Variants in LRIG2 observed in about 807,000 individuals in gnomAD.
The protein encoded by LRIG2 is leucine-rich repeats and immunoglobulin-like domains protein 2.
LRIG2 carries 93 observed loss-of-function variants against 107.8 expected under a neutral mutation model. The observed-to-expected ratio is 0.86, with a 90% CI of 0.73 to 1.03. LRIG2 has a LOEUF of 1.03. Ranked by LOEUF, LRIG2 falls within the 50% of genes least tolerant of loss-of-function variation. The probability of loss-of-function intolerance (pLI) is 0.00; values close to 1 mark genes in which losing one functional copy is unlikely to be tolerated. For synonymous variants in LRIG2, 471 were observed against 470.6 expected, an observed-to-expected ratio of 1.00 and a Z score of -0.01; for missense variants, 1,226 against 1,296.0, an observed-to-expected ratio of 0.95 and a Z score of 0.83.
At chr1:113,086,900 T>C (rs922621293) in intron 1 of LRIG2, among the ~76,000 whole-genome samples, 1 of 152,192 alleles carries the variant, frequency 6.6e-6, no homozygotes, top group African/African-American at 2.4e-5. Context: ...AAGGAAGGAC[T>C]GTTACAGAGC....
chr1:113,116,045 G>A (rs150151618), intron 15 of LRIG2, among the ~76,000 whole-genome samples: 4 of 152,290 alleles, frequency 2.6e-5, no homozygotes, highest in African/African-American at 9.6e-5. Context: ...TTATGAAAGT[G>A]TGGCAGTAGA....
chr1:113,117,770 C>T (rs534220845), intron 16 of LRIG2, among the ~76,000 whole-genome samples: 33 of 151,098 alleles, frequency 2.2e-4, no homozygotes, highest in African/African-American at 3.4e-4. Context: ...CATGAGCCAC[C>T]GCACCTGGCT....
chr1:113,095,311 C>A (rs776607800), intron 6 of LRIG2, among the ~76,000 whole-genome samples: 6 of 150,596 alleles, frequency 4.0e-5, no homozygotes, highest in African/African-American at 9.8e-5. Flanking sequence ...ATGAAAATTA[C>A]CAGAATTTAT....
intron 1 of LRIG2, among the ~76,000 whole-genome samples, chr1:113,084,349 G>A (rs1424436269): frequency 6.6e-6 from 1 of 150,964 alleles, no homozygotes; most frequent in Non-Finnish European, 1.5e-5. Context: ...CCGAGTAGCT[G>A]GGACTACAGG....
chr1:113,073,259 C>T lies in LRIG2; in HGVS notation c.-148C>T, dbSNP rs1337157898. 4.3e-6 allele frequency: 3 copies of T among 696,276 alleles called. No individual in the cohort carries two copies. Among genetic ancestry groups the T allele is most frequent in the Non-Finnish European group, 7.5e-6 (3 of 399,482 alleles). 43.1% of individuals were successfully genotyped at this position (696,276 alleles called of 1,614,324 possible). On this transcript the variant is annotated 5_prime_UTR_variant, in exon 1 of 18. Coordinates refer to ENST00000361127, the MANE Select transcript of LRIG2 (RefSeq NM_014813.3). ...CGTCGACCCCGCTGTCGCGCTGCGT[C>T]TGCTCCTTGCATGCCTTTAGATGGT...
chr1:113,113,058 A>G (rs775408520), intron 14 of LRIG2, among the ~76,000 whole-genome samples: 11 of 152,080 alleles, frequency 7.2e-5, no homozygotes, highest in Non-Finnish European at 1.2e-4. Context: ...TGTTTCATGT[A>G]GGTGTGTTTA....
At chr1:113,076,937 G>A (rs1404107718) in intron 1 of LRIG2, among the ~76,000 whole-genome samples, 1 of 152,082 alleles carries the variant, frequency 6.6e-6, no homozygotes, top group Non-Finnish European at 1.5e-5. Flanking sequence ...CTAGGTTTAT[G>A]ACTCAACTTC....
chr1:113,088,548 G>A (rs1361445431), intron 1 of LRIG2, among the ~76,000 whole-genome samples: 2 of 152,172 alleles, frequency 1.3e-5, no homozygotes, highest in Non-Finnish European at 2.9e-5. Flanking sequence ...AAGATTTAGG[G>A]TTGGGAAAGG....
chr1:113,104,418 C>T (rs1034298032), intron 11 of LRIG2, among the ~76,000 whole-genome samples: 3 of 152,110 alleles, frequency 2.0e-5, no homozygotes, highest in African/African-American at 7.2e-5. Flanking sequence ...TTGGAAATAG[C>T]CTAAGTATTT....
In LRIG2 at chr1:113,093,444, T is replaced by C. The variant is rs1311707610; in HGVS notation, c.395T>C (p.Ile132Thr). The change falls in exon 4 of 18, where the codon ATC becomes ACC. Residue 132 changes from isoleucine (I) to threonine (T), a missense_variant. Ile to Thr is a moderately conservative substitution (Grantham distance 89). Transcript: ENST00000361127. ...ITLLSLVHNIIPEINAQALQF... is the reference protein window; with the variant it reads ...ITLLSLVHNITPEINAQALQF... ...TTGTTTTACAGAGTCCATAATATAATCCCAGAAATAAATGCACAGGCACTC... is the reference window on the plus strand; with the variant it reads ...TTGTTTTACAGAGTCCATAATATAACCCCAGAAATAAATGCACAGGCACTC... 11 of 1,613,802 alleles carry C rather than the reference T, an allele frequency of 6.8e-6. No individual in the cohort carries two copies. Among genetic ancestry groups the C allele is most frequent in the Non-Finnish European group, 9.3e-6 (11 of 1,179,922 alleles).
At position 113,126,146 on chromosome 1, in the gene LRIG2, A is replaced by C. The variant is rs932985120; in HGVS notation, c.*2045A>C. On this transcript the variant is annotated 3_prime_UTR_variant, in exon 18 of 18. Coordinates refer to ENST00000361127, the MANE Select transcript of LRIG2 (RefSeq NM_014813.3). ...GCATTCCATGTTCCAAAAGCTACAAAAACATGCCACTTTGCAACTATGGGT... is the reference window on the plus strand; with the variant it reads ...GCATTCCATGTTCCAAAAGCTACAACAACATGCCACTTTGCAACTATGGGT... 1.3e-5 allele frequency: 2 copies of C among 152,156 alleles called. No individual in the cohort carries two copies. Among genetic ancestry groups the C allele is most frequent in the African/African-American group, 4.8e-5 (2 of 41,436 alleles). The allele number at this position is 152,156 out of a possible 1,614,324, so 9.4% of individuals were successfully genotyped here.
chr1:113,119,111 T>C, intron 16 of LRIG2, 122 bp from the exon 17 acceptor site: 1 of 859,442 alleles, frequency 1.2e-6, no homozygotes, highest in Non-Finnish European at 1.8e-6. Flanking sequence ...CTTCACCTAC[T>C]TTATAAAGTA....
In LRIG2 at chr1:113,100,223, A is replaced by G; in HGVS notation, c.1185A>G (p.Gly395=). The G allele has an allele frequency of 6.3e-7, 1 of 1,579,004 alleles. No individual in the cohort carries two copies. The highest frequency in any genetic ancestry group is 8.7e-7 in the Non-Finnish European group (1 of 1,154,836). Residue 395 remains glycine, a synonymous_variant, in exon 10 of 18, where the codon GGA becomes GGG. Coordinates refer to ENST00000361127, the MANE Select transcript of LRIG2 (RefSeq NM_014813.3). ...GTTTATATTTCAGAATCTTACAAGGAAACCAGATTAAGTCAATTACAAAGA... is the reference window on the plus strand; with the variant it reads ...GTTTATATTTCAGAATCTTACAAGGGAACCAGATTAAGTCAATTACAAAGA... ...LTSLTKLILQ[G]NQIKSITKKA... is the part of the protein sequence containing the mutation.
intron 1 of LRIG2, among the ~76,000 whole-genome samples, chr1:113,079,347 A>C: frequency 1.5e-5 from 1 of 68,544 alleles, no homozygotes; most frequent in South Asian, 6.1e-4. Flanking sequence ...GATCCTATTT[A>C]AAAAAAAAAA....
intron 1 of LRIG2, among the ~76,000 whole-genome samples, chr1:113,084,436 C>T (rs932316251): frequency 5.9e-5 from 9 of 151,864 alleles, no homozygotes; most frequent in African/African-American, 1.5e-4. Context: ...AAGATGGTCT[C>T]GATCTCCTGA....
intron 11 of LRIG2, among the ~76,000 whole-genome samples, chr1:113,106,783 G>T (rs1654557833): frequency 6.6e-6 from 1 of 152,210 alleles, no homozygotes; most frequent in Admixed American, 6.5e-5. Flanking sequence ...AGGATTACAG[G>T]TGTGAGCCAC....
At chr1:113,109,707 C>T (rs1277042474) in intron 12 of LRIG2, among the ~76,000 whole-genome samples, 4 of 152,014 alleles carry the variant, frequency 2.6e-5, no homozygotes, top group East Asian at 1.9e-4. Flanking sequence ...TTAGAAGTGA[C>T]GGGGTTTCGC....
chr1:113,084,314 C>T (rs554392552), intron 1 of LRIG2, among the ~76,000 whole-genome samples: 8 of 146,864 alleles, frequency 5.4e-5, no homozygotes, highest in Non-Finnish European at 1.0e-4. Context: ...CTCCCGGGTT[C>T]ACGCCATTCT....
At position 113,114,412 on chromosome 1, in the gene LRIG2, A is replaced by G. The variant is rs1184825198; in HGVS notation, c.2081-15A>G. The G allele has an allele frequency of 6.6e-7, 1 of 1,507,602 alleles. No individual in the cohort carries two copies. Among genetic ancestry groups the G allele is most frequent in the East Asian group, 2.3e-5 (1 of 43,960 alleles). 93.4% of individuals were successfully genotyped at this position (1,507,602 alleles called of 1,614,324 possible). A position where few individuals can be genotyped will look rare whatever the true frequency, so the allele number is the denominator to read the frequency against. On this transcript the variant is annotated splice_polypyrimidine_tract_variant and intron_variant, in intron 14 of 17. Coordinates refer to ENST00000361127, the MANE Select transcript of LRIG2 (RefSeq NM_014813.3). ...TAACTTTTCATTTTTTTTTTTTTTA[A>G]TGTTTTCCTGTTAGAGACACCCTCA...
Sources: gnomAD v4.1 joint callset for allele counts (sites outside exome capture counted in the v4.1 genomes callset) on GRCh38, gnomAD v4.1.1 for gene constraint, MANE v1.5 for transcripts, NCBI Gene and HGNC (gene_info 2026-07-23, HGNC 2026-07-21) for gene names.